Variants in FKBP5 observed in about 807,000 individuals in gnomAD.
The protein encoded by FKBP5 is FKBP prolyl isomerase 5, also known as peptidyl-prolyl cis-trans isomerase FKBP5.
A neutral mutation model predicts 50.5 loss-of-function variants in FKBP5; 23 were observed. That is an observed-to-expected ratio of 0.46 (90% CI 0.33 to 0.65). The LOEUF (loss-of-function observed/expected upper bound fraction) is 0.65. FKBP5 is among the 30% of genes least tolerant of loss of function. FKBP5 has a pLI of 0.02. For missense variants in FKBP5, 411 were observed against 553.1 expected (o/e 0.74, Z 2.58); for synonymous variants, 176 against 190.6 (o/e 0.92, Z 0.63).
chr6:35,627,792 G>A lies in FKBP5; in HGVS notation c.251-7518C>T, dbSNP rs187275002. On this transcript the variant is annotated intron_variant, in intron 3 of 10. Transcript: ENST00000357266. ...TTTCTTTTTTTTGAGACATAGTTTCGTTCTTGTTGCCTAGGCTGGAGTGCA... is the reference window on the plus strand; with the variant it reads ...TTTCTTTTTTTTGAGACATAGTTTCATTCTTGTTGCCTAGGCTGGAGTGCA... 9.9e-5 allele frequency among the ~76,000 whole-genome samples: 15 copies of A among 151,360 alleles called. No homozygotes were observed. The East Asian group carries it at 1.6e-3, about 16-fold the overall frequency.
intron 3 of FKBP5, among the ~76,000 whole-genome samples, chr6:35,621,742 G>A (rs1031066731): frequency 3.3e-5 from 5 of 152,140 alleles, no homozygotes; most frequent in African/African-American, 7.2e-5. Flanking sequence ...AGCACTTTGG[G>A]AGGCCAAGGC....
chr6:35,679,136 G>A (rs1765600015), intron 1 of FKBP5, among the ~76,000 whole-genome samples: 1 of 152,164 alleles, frequency 6.6e-6, no homozygotes, highest in Non-Finnish European at 1.5e-5. Context: ...TGAATCTGGG[G>A]AATGGGTACA....
chr6:35,599,055 T>C (rs1443856689), intron 5 of FKBP5, among the ~76,000 whole-genome samples: 2 of 152,152 alleles, frequency 1.3e-5, no homozygotes, highest in Non-Finnish European at 2.9e-5. Context: ...TAATAGCCTA[T>C]ATTCAAATCT....
At chr6:35,726,505 G>T (rs1429896433) in intron 1 of FKBP5, among the ~76,000 whole-genome samples, 1 of 149,844 alleles carries the variant, frequency 6.7e-6, no homozygotes, top group Non-Finnish European at 1.5e-5. Context: ...AGCAGAATGA[G>T]TCACGTCCAC....
At chr6:35,728,006 C>T (rs1282921798) in intron 1 of FKBP5, among the ~76,000 whole-genome samples, 1 of 152,210 alleles carries the variant, frequency 6.6e-6, no homozygotes. Context: ...CGTGCAATCG[C>T]ATGGTTGCGG....
intron 1 of FKBP5, among the ~76,000 whole-genome samples, chr6:35,659,386 T>G (rs1278325877): frequency 1.2e-5 from 1 of 82,574 alleles, no homozygotes; most frequent in Non-Finnish European, 2.8e-5. Context: ...TAGCTGAGAT[T>G]ACAGGCATGC....
chr6:35,626,339 C>CT (rs1293915411), intron 3 of FKBP5, among the ~76,000 whole-genome samples: 1 of 152,030 alleles, frequency 6.6e-6, no homozygotes, highest in Non-Finnish European at 1.5e-5. Context: ...TAATGTTACA[C>CT]TTTTTTCTGG....
At chr6:35,585,036 C>A in intron 8 of FKBP5, 8 of 985,330 alleles carry the variant, frequency 8.1e-6, no homozygotes, top group Non-Finnish European at 9.6e-6. Context: ...ATTTCATTAC[C>A]AATAATGTTC....
chr6:35,726,510 G>A (rs533182589), intron 1 of FKBP5, among the ~76,000 whole-genome samples: 92 of 146,750 alleles, frequency 6.3e-4, no homozygotes, highest in African/African-American at 2.2e-3. Context: ...AATGAGTCAC[G>A]TCCACCCCTC....
chr6:35,647,558 C>T (rs1764663732), intron 1 of FKBP5, among the ~76,000 whole-genome samples: 1 of 152,204 alleles, frequency 6.6e-6, no homozygotes, highest in Non-Finnish European at 1.5e-5. Context: ...TCCCAAACAC[C>T]AACTGTTAAG....
chr6:35,658,722 A>T (rs1765027158), intron 1 of FKBP5, among the ~76,000 whole-genome samples: 2 of 87,632 alleles, frequency 2.3e-5, no homozygotes, highest in African/African-American at 7.0e-5. Context: ...CTATTTGGTC[A>T]CTGTATTTTA....
At chr6:35,596,263 G>A (rs1163748109) in intron 6 of FKBP5, among the ~76,000 whole-genome samples, 4 of 152,094 alleles carry the variant, frequency 2.6e-5, no homozygotes, top group African/African-American at 7.2e-5. Flanking sequence ...GCTGAGGCAG[G>A]AAAATTGCTT....
At position 35,660,009 on chromosome 6, in the gene FKBP5, A is replaced by C. The variant is rs1333949609; in HGVS notation, c.-19-17166T>G. On this transcript the variant is annotated intron_variant, in intron 1 of 10. Coordinates refer to ENST00000357266, the MANE Select transcript of FKBP5 (RefSeq NM_004117.4). ...TACTTCTTACCCAATATAGACATTT[A>C]GTGCTATGAATTTTCCCCTAAACAT... Among the ~76,000 whole-genome samples, 2 of 84,302 alleles carry C rather than the reference A, an allele frequency of 2.4e-5. 1 individual carries two copies. Among genetic ancestry groups the C allele is most frequent in the Non-Finnish European group, 5.4e-5 (2 of 36,774 alleles). The allele number at this position is 84,302 out of a possible 152,430, so 55.3% of individuals were successfully genotyped here. A position where few individuals can be genotyped will look rare whatever the true frequency, so the allele number is the denominator to read the frequency against.
At position 35,637,156 on chromosome 6, in the gene FKBP5, A is replaced by C. The variant is rs911743582; in HGVS notation, c.108T>G (p.Ile36Met). 17 of 1,605,016 alleles carry C rather than the reference A, an allele frequency of 1.1e-5. No homozygotes were observed. Among genetic ancestry groups the C allele is most frequent in the Non-Finnish European group, 1.4e-5 (16 of 1,178,176 alleles). ...TSKKDRGVLK[I>M]VKRVGNGEET... The stretch of plus-strand genomic sequence containing the variant: ...CCTCACCATTCCCCACTCTTTTGAC[A>C]ATCTAGAAAAGACAAACATTAAGAA... The change falls in exon 3 of 11, where the codon ATT becomes ATG. Residue 36 changes from isoleucine (I) to methionine (M), a missense_variant and splice_region_variant. Coordinates refer to ENST00000357266, the MANE Select transcript of FKBP5 (RefSeq NM_004117.4).
At chr6:35,631,665 G>A (rs115267263) in intron 3 of FKBP5, among the ~76,000 whole-genome samples, 1,851 of 152,172 alleles carry the variant, frequency 0.012, 30 homozygotes, top group African/African-American at 0.038. Context: ...CCAAAAAATA[G>A]TAAGATTGAG....
At chr6:35,629,810 C>T (rs748918226) in intron 3 of FKBP5, among the ~76,000 whole-genome samples, 5 of 152,186 alleles carry the variant, frequency 3.3e-5, no homozygotes, top group South Asian at 4.1e-4. Flanking sequence ...CCTCCTCTAT[C>T]GCAAAGTACC....
rs149857358 is a variant in FKBP5 at position 35,661,107 on chromosome 6, C to A, written c.-19-18264G>T. ...CACAAATCTGGAAATATGCTGGAAA[C>A]CACTGAATTATATACTTTATTTTAT... On this transcript the variant is annotated intron_variant, in intron 1 of 10. Transcript: ENST00000357266. Among the ~76,000 whole-genome samples the A allele has an allele frequency of 1.5e-3, 129 of 83,360 alleles. 53 individuals are homozygous for A. In the East Asian group the frequency reaches 0.03, roughly 19 times the overall value. 54.7% of individuals were successfully genotyped at this position (83,360 alleles called of 152,430 possible).
chr6:35,576,936 A>G, intron 10 of FKBP5, 58 bp downstream of exon 10: 2 of 1,588,112 alleles, frequency 1.3e-6, no homozygotes, highest in Non-Finnish European at 1.7e-6. Flanking sequence ...GTCCCCTAAA[A>G]TCAAAGGGGC....
At chr6:35,612,516 T>C (rs532320263) in intron 5 of FKBP5, among the ~76,000 whole-genome samples, 42 of 152,360 alleles carry the variant, frequency 2.8e-4, no homozygotes, top group African/African-American at 1.0e-3. Context: ...TCTGACACTC[T>C]TCTTTGTAAC....
Sources: gnomAD v4.1 joint callset for allele counts (sites outside exome capture counted in the v4.1 genomes callset) on GRCh38, gnomAD v4.1.1 for gene constraint, MANE v1.5 for transcripts, NCBI Gene and HGNC (gene_info 2026-07-23, HGNC 2026-07-21) for gene names.